C11orf24: variants seen among roughly 807,000 people sequenced by gnomAD.
C11orf24 encodes the protein uncharacterized protein C11orf24.
In C11orf24, 5 loss-of-function variants were observed where a neutral mutation model predicts 7.3. The observed-to-expected ratio is 0.69, with a 90% CI of 0.36 to 1.45. The LOEUF is 1.45. Among genes scored for constraint, C11orf24 ranks in the 40% most tolerant of loss-of-function variants. C11orf24 has a pLI of 0.03. For synonymous variants in C11orf24, 233 were observed against 235.7 expected (o/e 0.99, Z 0.11); for missense variants, 566 against 590.5 (o/e 0.96, Z 0.43).
intron 1 of C11orf24, among the ~76,000 whole-genome samples, chr11:68,268,774 A>C (rs1307873492): frequency 3.9e-5 from 6 of 152,232 alleles, no homozygotes; most frequent in Admixed American, 3.9e-4. Flanking sequence ...ACTCAGACAG[A>C]GGTCCAAAGA....
rs188295865 is a variant in C11orf24 at position 68,270,096 on chromosome 11, G to T, written c.-298+1761C>A. Among the ~76,000 whole-genome samples the T allele has an allele frequency of 3.9e-5, 6 of 152,282 alleles. No homozygotes were observed. In the East Asian group the frequency reaches 1.2e-3, roughly 29 times the overall value. ...GTACAGGGAGACTGGGTAGATCAGG[G>T]TCTCAGACCATAATAGATGGGAAAA... is the stretch of plus-strand genomic sequence containing the variant. On this transcript the variant is annotated intron_variant, in intron 1 of 3. Transcript: ENST00000304271.
Position 68,262,111 on chromosome 11 carries a change from T to C in C11orf24, c.884A>G (p.Lys295Arg), listed in dbSNP as rs763303784. The change falls in exon 4 of 4, where the codon AAG becomes AGG. Residue 295 changes from lysine (K) to arginine (R), a missense_variant. Physicochemically the swap from Lys to Arg is conservative, Grantham distance 26 (BLOSUM62 2). Transcript: ENST00000304271. ...APTPTVVTTT[K>R]AQAREPTASP... ...GGCAGTTGGCTCCCTGGCTTGTGCC[T>C]TGGTGGTGGTCACCACTGTGGGGGT... is the stretch of plus-strand genomic sequence containing the variant. The C allele has an allele frequency of 3.7e-6, 6 of 1,613,846 alleles. No homozygotes were observed. Among genetic ancestry groups the C allele is most frequent in the Non-Finnish European group, 5.1e-6 (6 of 1,180,006 alleles).
chr11:68,271,438 G>A (rs988625652), intron 1 of C11orf24, among the ~76,000 whole-genome samples: 2 of 152,108 alleles, frequency 1.3e-5, no homozygotes, highest in African/African-American at 2.4e-5. Flanking sequence ...TCAAGTAAGA[G>A]CGACACTTCT....
rs61887762 is a variant in C11orf24 at position 68,261,606 on chromosome 11, G to A, written c.*39C>T. On this transcript the variant is annotated 3_prime_UTR_variant, in exon 4 of 4. Coordinates refer to ENST00000304271, the MANE Select transcript of C11orf24 (RefSeq NM_022338.4). Reference sequence around the variant, plus strand: ...GGTCTCAAAGGCAAAAGGAAAGGACGAGGAAGGGGCCAGGCCTCCCGCCAG... The same window carrying A: ...GGTCTCAAAGGCAAAAGGAAAGGACAAGGAAGGGGCCAGGCCTCCCGCCAG... 0.023 allele frequency: 36,190 copies of A among 1,549,960 alleles called. 530 individuals are homozygous for A. The highest frequency in any genetic ancestry group is 0.029 in the Non-Finnish European group (33,274 of 1,144,034).
intron 2 of C11orf24, among the ~76,000 whole-genome samples, chr11:68,266,617 C>G (rs551176163): frequency 1.3e-5 from 2 of 151,486 alleles, no homozygotes; most frequent in Non-Finnish European, 2.9e-5. Context: ...AAAAGTGTGG[C>G]GGGGGGGATG....
At chr11:68,271,973 T>TGCCCGGGCCCC (rs1432715557), upstream of C11orf24, 2 of 152,176 alleles carry the variant, frequency 1.3e-5, no homozygotes, top group South Asian at 2.1e-4. Flanking sequence ...CAGCGCGCCC[T>TGCCCGGGCCCC]GCCCGGGCCC....
intron 1 of C11orf24, among the ~76,000 whole-genome samples, chr11:68,268,484 G>C (rs2098566313): frequency 6.6e-6 from 1 of 152,218 alleles, no homozygotes; most frequent in African/African-American, 2.4e-5. Flanking sequence ...GAGGTCAGCA[G>C]TTCGAGACCA....
intron 2 of C11orf24, among the ~76,000 whole-genome samples, chr11:68,266,395 C>T (rs923010002): frequency 6.6e-6 from 1 of 152,208 alleles, no homozygotes; most frequent in Non-Finnish European, 1.5e-5. Flanking sequence ...CTGGAGAAAG[C>T]CCTTAGAGCA....
In C11orf24 at chr11:68,263,842, G is replaced by C. The variant is rs2098563220; in HGVS notation, c.-75C>G. ...CAGCCAGCTCCTCAGGCTGCTAATG[G>C]TTCCCTCCTGCTTGGCCAAGGGATC... On this transcript the variant is annotated 5_prime_UTR_variant, in exon 3 of 4. Coordinates refer to ENST00000304271, the MANE Select transcript of C11orf24 (RefSeq NM_022338.4). 1 of 1,295,644 alleles carries C rather than the reference G, an allele frequency of 7.7e-7. No homozygotes were observed. The highest frequency in any genetic ancestry group is 1.1e-6 in the Non-Finnish European group (1 of 912,198). 80.3% of individuals were successfully genotyped at this position (1,295,644 alleles called of 1,614,324 possible). A position where few individuals can be genotyped will look rare whatever the true frequency, so the allele number is the denominator to read the frequency against.
In C11orf24 at chr11:68,261,918, C is replaced by A; in HGVS notation, c.1077G>T (p.Gly359=). 1 of 1,613,972 alleles carries A rather than the reference C, an allele frequency of 6.2e-7. No individual in the cohort carries two copies. The highest frequency in any genetic ancestry group is 8.5e-7 in the Non-Finnish European group (1 of 1,180,042). Residue 359 remains glycine, a synonymous_variant, in exon 4 of 4, where the codon GGG becomes GGT. Coordinates refer to ENST00000304271, the MANE Select transcript of C11orf24 (RefSeq NM_022338.4). ...TEATPGTDST[G]PTPRSSGGTK... ...TGCCCCCTGAGCTCCTGGGTGTTGG[C>A]CCAGTGGAATCAGTACCTGGTGTGG...
At chr11:68,263,507 G>A in intron 3 of C11orf24, 185 bp downstream of exon 3, 1 of 590,116 alleles carries the variant, frequency 1.7e-6, no homozygotes, top group East Asian at 2.9e-5. Flanking sequence ...GTCCTGCTAG[G>A]GGCTCTTTGC....
intron 2 of C11orf24, chr11:68,267,804 G>C (rs2098565973): frequency 1.3e-5 from 2 of 152,376 alleles, no homozygotes; most frequent in Admixed American, 1.3e-4. Context: ...AGTAAGCCAA[G>C]ATTGCACCTC....
intron 2 of C11orf24, among the ~76,000 whole-genome samples, chr11:68,265,786 C>T (rs1345986857): frequency 6.6e-6 from 1 of 152,124 alleles, no homozygotes; most frequent in Non-Finnish European, 1.5e-5. Flanking sequence ...TGTGCCCGGC[C>T]CTTAATGTAT....
In C11orf24 at chr11:68,261,622, C is replaced by A. The variant is rs1159909307; in HGVS notation, c.*23G>T. ...GGAAAGGACGAGGAAGGGGCCAGGCCTCCCGCCAGGCCCCCGCCCCCCTCA... is the reference window on the plus strand; with the variant it reads ...GGAAAGGACGAGGAAGGGGCCAGGCATCCCGCCAGGCCCCCGCCCCCCTCA... On this transcript the variant is annotated 3_prime_UTR_variant, in exon 4 of 4. Transcript: ENST00000304271. 1 of 1,581,726 alleles carries A rather than the reference C, an allele frequency of 6.3e-7. No individual in the cohort carries two copies. Among genetic ancestry groups the A allele is most frequent in the Admixed American group, 1.7e-5 (1 of 57,752 alleles).
Position 68,261,829 on chromosome 11 carries a change from G to T in C11orf24, c.1166C>A (p.Thr389Asn). The T allele has an allele frequency of 6.2e-7, 1 of 1,614,198 alleles. No homozygotes were observed. The highest frequency in any genetic ancestry group is 8.5e-7 in the Non-Finnish European group (1 of 1,180,054). The change falls in exon 4 of 4, where the codon ACT becomes AAT. Residue 389 changes from threonine (T) to asparagine (N), a missense_variant. Transcript: ENST00000304271. ...TACCACGGCCTGGGTGAGGGGCTCAGTGGTGACCACCATGTACTGGCCTTG... is the reference window on the plus strand; with the variant it reads ...TACCACGGCCTGGGTGAGGGGCTCATTGGTGACCACCATGTACTGGCCTTG... The part of the protein sequence containing the change: ...STQGQYMVVT[T>N]EPLTQAVVDK...
At position 68,261,566 on chromosome 11, in the gene C11orf24, G is replaced by T; in HGVS notation, c.*79C>A. On this transcript the variant is annotated 3_prime_UTR_variant, in exon 4 of 4. Coordinates refer to ENST00000304271, the MANE Select transcript of C11orf24 (RefSeq NM_022338.4). ...CTCCTCAATTGCACCAAAAGAATTT[G>T]GAAGCACTTGGTTTGGTCTCAAAGG... 7.7e-7 allele frequency: 1 copy of T among 1,295,166 alleles called. No individual in the cohort carries two copies. Among genetic ancestry groups the T allele is most frequent in the Non-Finnish European group, 1.1e-6 (1 of 935,002 alleles). 80.2% of individuals were successfully genotyped at this position (1,295,166 alleles called of 1,614,324 possible). A position where few individuals can be genotyped will look rare whatever the true frequency, so the allele number is the denominator to read the frequency against.
Position 68,263,862 on chromosome 11 carries a change from G to T in C11orf24, c.-95C>A. 9.4e-7 allele frequency: 1 copy of T among 1,068,538 alleles called. No homozygotes were observed. Among genetic ancestry groups the T allele is most frequent in the South Asian group, 1.4e-5 (1 of 70,686 alleles). The allele number at this position is 1,068,538 out of a possible 1,614,324, so 66.2% of individuals were successfully genotyped here. A position where few individuals can be genotyped will look rare whatever the true frequency, so the allele number is the denominator to read the frequency against. On this transcript the variant is annotated 5_prime_UTR_variant, in exon 3 of 4. Coordinates refer to ENST00000304271, the MANE Select transcript of C11orf24 (RefSeq NM_022338.4). Reference sequence around the variant, plus strand: ...TAATGGTTCCCTCCTGCTTGGCCAAGGGATCTGTGGTCAAGAAAGCACGCT... The same window carrying T: ...TAATGGTTCCCTCCTGCTTGGCCAATGGATCTGTGGTCAAGAAAGCACGCT...
chr11:68,266,175 A>C (rs1591133982), intron 2 of C11orf24, among the ~76,000 whole-genome samples: 2 of 152,366 alleles, frequency 1.3e-5, no homozygotes, highest in Admixed American at 1.3e-4. Flanking sequence ...ATGTGCAGCC[A>C]CAGGACCTCT....
rs1290979971 is a variant in C11orf24, at chr11:68,262,800, C to G, written c.195G>C (p.Leu65Phe). The G allele has an allele frequency of 6.2e-7, 1 of 1,614,006 alleles. No individual in the cohort carries two copies. The highest frequency in any genetic ancestry group is 8.5e-7 in the Non-Finnish European group (1 of 1,180,034). Residue 65 changes from leucine to phenylalanine, a missense_variant, in exon 4 of 4, where the codon TTG becomes TTC. Leu to Phe is a conservative substitution (Grantham distance 22). Transcript: ENST00000304271. ...VTMAAASPVT[L>F]TKGTSAAHLN... ...GGTGGGCTGCCGAAGTCCCTTTGGT[C>G]AATGTGACAGGAGAAGCTGCTGCCA...
Sources: allele counts gnomAD v4.1 joint callset (sites outside exome capture counted in the v4.1 genomes callset), GRCh38; gene constraint gnomAD v4.1.1; transcripts MANE v1.5; gene names NCBI Gene and HGNC (gene_info 2026-07-23, HGNC 2026-07-21).